The following GGA1 variants were observed in gnomAD, a reference collection of about 807,000 sequenced individuals.
The protein encoded by GGA1 is ADP-ribosylation factor-binding protein GGA1.
A neutral mutation model predicts 76.9 loss-of-function variants in GGA1; 18 were observed. The observed-to-expected ratio is 0.23, with a 90% confidence interval of 0.16 to 0.35. The LOEUF is 0.35. GGA1 is among the 10% of genes least tolerant of loss of function. The probability of loss-of-function intolerance (pLI) is 1.00; values close to 1 mark genes in which losing one functional copy is unlikely to be tolerated. For missense variants in GGA1, 755 were observed against 859.0 expected, an observed-to-expected ratio of 0.88 and a Z score of 1.51; for synonymous variants, 342 against 354.7, an observed-to-expected ratio of 0.96 and a Z score of 0.40.
At chr22:37,631,159 C>T (rs1931742616) in intron 14 of GGA1, 60 bp downstream of exon 14, 12 of 1,346,410 alleles carry the variant, frequency 8.9e-6, no homozygotes, top group Non-Finnish European at 1.2e-5. Flanking sequence ...CTGTCAGGAG[C>T]TCTGTCTGGG....
chr22:37,611,645 G>A (rs922556504), intron 1 of GGA1, among the ~76,000 whole-genome samples: 15 of 152,168 alleles, frequency 9.9e-5, no homozygotes, highest in Admixed American at 6.5e-4. Context: ...CAGGGCAGGC[G>A]CCACATGCTG....
chr22:37,613,109 C>T, intron 1 of GGA1: 1 of 985,304 alleles, frequency 1.0e-6, no homozygotes, highest in East Asian at 1.1e-4. Context: ...AGCACTGCTA[C>T]CCTGGGCAGG....
In GGA1 at chr22:37,621,705, C is replaced by G; in HGVS notation, c.609+9C>G. 2 of 1,547,964 alleles carry G rather than the reference C, an allele frequency of 1.3e-6. No homozygotes were observed. Among genetic ancestry groups the G allele is most frequent in the Non-Finnish European group, 1.8e-6 (2 of 1,142,746 alleles). On this transcript the variant is annotated intron_variant, in intron 7 of 16. Coordinates refer to ENST00000343632, the MANE Select transcript of GGA1 (RefSeq NM_013365.5). ...AAGAGATGGTGCAGGAGGTAGCGGC[C>G]GAGCCCAGAGCACAGGGAGGAGGCG...
chr22:37,629,642 C>A (rs1931434212), intron 12 of GGA1, 116 bp downstream of exon 12: 2 of 672,922 alleles, frequency 3.0e-6, no homozygotes, highest in Admixed American at 3.4e-5. Context: ...AGCCCAGGGC[C>A]AGGGGGTGGC....
Position 37,632,251 on chromosome 22 carries a change from C to T in GGA1, c.1698+86C>T. On this transcript the variant is annotated intron_variant, in intron 15 of 16. Coordinates refer to ENST00000343632, the MANE Select transcript of GGA1 (RefSeq NM_013365.5). The surrounding 1 kb of genome is among the most constrained non-coding windows in gnomAD (Gnocchi z 5.1). ...GGGTGGGGAGCCACCTGTCAGGGGG[C>T]AGGTCTCCCTCCCTTGCTGGGTGGT... 2 of 1,393,114 alleles carry T rather than the reference C, an allele frequency of 1.4e-6. No individual in the cohort carries two copies. The highest frequency in any genetic ancestry group is 1.0e-6 in the Non-Finnish European group (1 of 995,946). 86.3% of individuals were successfully genotyped at this position (1,393,114 alleles called of 1,614,324 possible). A position where few individuals can be genotyped will look rare whatever the true frequency, so the allele number is the denominator to read the frequency against.
At position 37,614,371 on chromosome 22, in the gene GGA1, C is replaced by T. The variant is rs553287590; in HGVS notation, c.128+97C>T. Reference sequence around the variant, plus strand: ...GGTGGGTGGAGACCCGGTTTTCATTCTGAACGTATTCACAAAGTGATGAGG... The same window carrying T: ...GGTGGGTGGAGACCCGGTTTTCATTTTGAACGTATTCACAAAGTGATGAGG... On this transcript the variant is annotated intron_variant, in intron 2 of 16. Coordinates refer to ENST00000343632, the MANE Select transcript of GGA1 (RefSeq NM_013365.5). 1.2e-5 allele frequency: 10 copies of T among 821,254 alleles called. No individual in the cohort carries two copies. In the South Asian group the frequency reaches 1.2e-4, roughly 10 times the overall value. The allele number at this position is 821,254 out of a possible 1,614,324, so 50.9% of individuals were successfully genotyped here.
chr22:37,620,878 A>C lies in GGA1; in HGVS notation c.493A>C (p.Lys165Gln). The C allele has an allele frequency of 6.2e-7, 1 of 1,611,574 alleles. No homozygotes were observed. Among genetic ancestry groups the C allele is most frequent in the Non-Finnish European group, 8.5e-7 (1 of 1,177,698 alleles). ...CTTTCCCCTTCCTCCTCCACGGCCG[A>C]AGAATGTGATCTTTGAAGATGAGGA... The part of the protein sequence containing the change: ...TTFPLPPPRP[K>Q]NVIFEDEEKS... Residue 165 changes from lysine (K) to glutamine (Q), a missense_variant, in exon 6 of 17, where the codon AAG becomes CAG. Physicochemically the swap from Lys to Gln is moderately conservative, Grantham distance 53. Transcript: ENST00000343632.
At chr22:37,619,981 A>G (rs1417934550) in intron 4 of GGA1, 4 of 624,506 alleles carry the variant, frequency 6.4e-6, no homozygotes, top group Non-Finnish European at 8.7e-6. Flanking sequence ...CCTGTCCCTC[A>G]TGTCAGTTCT....
At chr22:37,615,967 A>G (rs1928713202) in intron 2 of GGA1, among the ~76,000 whole-genome samples, 1 of 151,058 alleles carries the variant, frequency 6.6e-6, no homozygotes, top group Non-Finnish European at 1.5e-5. Context: ...CAGCCTCCCC[A>G]GCAGCTGGGA....
chr22:37,614,396 G>T (rs931823519), intron 2 of GGA1, 122 bp downstream of exon 2: 3 of 703,514 alleles, frequency 4.3e-6, no homozygotes, highest in African/African-American at 3.5e-5. Context: ...AAGTGATGAG[G>T]ATGGGGCACT....
chr22:37,630,636 G>T (rs539138686), intron 13 of GGA1: 14 of 512,472 alleles, frequency 2.7e-5, no homozygotes, highest in Non-Finnish European at 4.4e-5. Flanking sequence ...GCATGATCTC[G>T]GCTCACTGCA....
chr22:37,609,031 G>A, intron 1 of GGA1, 128 bp downstream of exon 1: 1 of 1,416,302 alleles, frequency 7.1e-7, no homozygotes, highest in Non-Finnish European at 9.2e-7. Context: ...CGGGAGGGGC[G>A]GTGTCCTCAG....
chr22:37,609,420 C>T, intron 1 of GGA1: 1 of 725,852 alleles, frequency 1.4e-6, no homozygotes. Context: ...CCATTTGATT[C>T]CTCCCGCCGC....
intron 6 of GGA1, 141 bp downstream of exon 6, chr22:37,621,054 T>C: frequency 1.5e-6 from 1 of 658,920 alleles, no homozygotes; most frequent in Admixed American, 2.2e-5. Context: ...ATGGGCGCTG[T>C]TTACTGGGCA....
Position 37,614,278 on chromosome 22 carries a change from G to C in GGA1, c.128+4G>C. 1 of 1,606,752 alleles carries C rather than the reference G, an allele frequency of 6.2e-7. No individual in the cohort carries two copies. The highest frequency in any genetic ancestry group is 8.5e-7 in the Non-Finnish European group (1 of 1,173,390). On this transcript the variant is annotated splice_donor_region_variant and intron_variant, in intron 2 of 16. Transcript: ENST00000343632. ...AGCTCAACGAGGACTTTGAGGGGTA[G>C]GTGGCCGTCCCCACTTGTTTGCACT...
chr22:37,618,419 GTCCCCTCCCA>G lies in GGA1; in HGVS notation c.205-23_205-14del. 7.2e-7 allele frequency: 1 copy of G among 1,396,596 alleles called. No individual in the cohort carries two copies. The highest frequency in any genetic ancestry group is 1.0e-6 in the Non-Finnish European group (1 of 983,652). The allele number at this position is 1,396,596 out of a possible 1,614,324, so 86.5% of individuals were successfully genotyped here. A position where few individuals can be genotyped will look rare whatever the true frequency, so the allele number is the denominator to read the frequency against. Reference sequence around the variant, plus strand: ...GCCACGGCCTCTGATGCACCTGGGCGTCCCCTCCCATCCCCCCTCCCTGCACAGGTGCTGG... The same window carrying G: ...GCCACGGCCTCTGATGCACCTGGGCGTCCCCCCTCCCTGCACAGGTGCTGG... On this transcript the variant is annotated intron_variant, in intron 3 of 16. Transcript: ENST00000343632.
At chr22:37,631,856 C>T (rs970526488) in intron 14 of GGA1, 140 bp from the exon 15 acceptor site, 2 of 659,690 alleles carry the variant, frequency 3.0e-6, no homozygotes, top group Non-Finnish European at 5.2e-6. Context: ...CACCCAGGGT[C>T]CAGGTAAGGC....
At chr22:37,616,000 C>T (rs748203077) in intron 2 of GGA1, among the ~76,000 whole-genome samples, 18 of 151,854 alleles carry the variant, frequency 1.2e-4, no homozygotes, top group Non-Finnish European at 2.2e-4. Context: ...GCCACCACAC[C>T]CGGCTAATTT....
Position 37,614,180 on chromosome 22 carries a change from C to T in GGA1, c.44-10C>T, listed in dbSNP as rs1928306147. 1 of 1,600,330 alleles carries T rather than the reference C, an allele frequency of 6.2e-7. No homozygotes were observed. On this transcript the variant is annotated splice_polypyrimidine_tract_variant and intron_variant, in intron 1 of 16. Coordinates refer to ENST00000343632, the MANE Select transcript of GGA1 (RefSeq NM_013365.5). Reference sequence around the variant, plus strand: ...GCCGGGCCACAATGACCCCAGCTCTCCTCTTCCAGATAGAGCCACGAACCC... The same window carrying T: ...GCCGGGCCACAATGACCCCAGCTCTTCTCTTCCAGATAGAGCCACGAACCC...
Sources: allele counts gnomAD v4.1 joint callset (sites outside exome capture counted in the v4.1 genomes callset), GRCh38; gene constraint gnomAD v4.1.1; non-coding constraint Gnocchi (gnomAD v3.1); transcripts MANE v1.5; gene names NCBI Gene and HGNC (gene_info 2026-07-23, HGNC 2026-07-21).